The following LRRC53 variants were observed in gnomAD, a reference collection of about 807,000 sequenced individuals.
LRRC53 encodes leucine-rich repeat-containing protein 53.
Under a neutral mutation model 13.6 loss-of-function variants are expected in LRRC53, and 25 were observed. The observed-to-expected ratio is 1.83, with a 90% CI of 1.34 to 2.56. LRRC53 has a LOEUF of 2.56. Among genes scored for constraint, LRRC53 ranks in the 30% most tolerant of loss-of-function variants. The pLI, the probability that LRRC53 is intolerant of heterozygous loss-of-function variation, is 0.00. For missense variants in LRRC53, 527 were observed against 275.8 expected (o/e 1.91, Z -6.45); for synonymous variants, 204 against 109.8 (o/e 1.86, Z -5.37).
the LRRC53 span, among the ~76,000 whole-genome samples, chr1:74,524,764 A>G: frequency 2.6e-5 from 4 of 151,886 alleles, no homozygotes; most frequent in Non-Finnish European, 5.9e-5. Flanking sequence ...AGTAAAAAAA[A>G]AAAATGAAAA....
At chr1:74,481,219 T>C (rs1326227958) in intron 2 of LRRC53, among the ~76,000 whole-genome samples, 1 of 152,250 alleles carries the variant, frequency 6.6e-6, no homozygotes, top group Non-Finnish European at 1.5e-5. Context: ...ACCCATCTGT[T>C]ACTTTAGATG....
rs574056967 is a variant in LRRC53 at position 74,494,576 on chromosome 1, G to T, written c.-26-11201C>A. 5.9e-5 allele frequency among the ~76,000 whole-genome samples: 9 copies of T among 152,120 alleles called. No individual in the cohort carries two copies. The East Asian group carries it at 9.7e-4, about 16-fold the overall frequency. ...TATCTTCTGTTCTTATTCTCTACTTGTGTCTTTTAAAGCTATTTCTCTGAA... is the reference window on the plus strand; with the variant it reads ...TATCTTCTGTTCTTATTCTCTACTTTTGTCTTTTAAAGCTATTTCTCTGAA... On this transcript the variant is annotated intron_variant, in intron 1 of 4. Transcript: ENST00000294635.
chr1:74,470,320 G>A lies in LRRC53; in HGVS notation c.3302C>T (p.Ser1101Leu). 2.5e-6 allele frequency: 1 copy of A among 400,640 alleles called. No homozygotes were observed. Among genetic ancestry groups the A allele is most frequent in the Non-Finnish European group, 4.4e-6 (1 of 226,176 alleles). The allele number at this position is 400,640 out of a possible 1,614,324, so 24.8% of individuals were successfully genotyped here. The change falls in exon 5 of 5, where the codon TCA becomes TTA. Residue 1101 changes from serine (S) to leucine (L), a missense_variant. Physicochemically the swap from Ser to Leu is moderately radical, Grantham distance 145. Transcript: ENST00000294635. The part of the protein sequence containing the change: ...KTDSSMLTQI[S>L]QMTLKGITKE... Reference sequence around the variant, plus strand: ...TGTGATGCCTTTTAAGGTCATTTGTGAGATCTGAGTTAACATACTAGAATC... The same window carrying A: ...TGTGATGCCTTTTAAGGTCATTTGTAAGATCTGAGTTAACATACTAGAATC...
At chr1:74,497,783 A>T (rs1436175371) in intron 1 of LRRC53, among the ~76,000 whole-genome samples, 1 of 152,176 alleles carries the variant, frequency 6.6e-6, no homozygotes, top group Middle Eastern at 3.2e-3. Context: ...AATTCTAATT[A>T]TATTATTTGC....
chr1:74,484,389 A>C (rs1668650071), intron 1 of LRRC53, among the ~76,000 whole-genome samples: 1 of 152,232 alleles, frequency 6.6e-6, no homozygotes, highest in South Asian at 2.1e-4. Context: ...CTGGGCATAG[A>C]GCAGGGGCTG....
intron 1 of LRRC53, among the ~76,000 whole-genome samples, chr1:74,501,036 G>A (rs958886617): frequency 2.6e-5 from 4 of 152,032 alleles, no homozygotes; most frequent in Admixed American, 2.0e-4. Flanking sequence ...ATCCTCAGCT[G>A]TTGTCTCTTC....
chr1:74,529,184 A>G, the LRRC53 span, among the ~76,000 whole-genome samples: 12 of 152,204 alleles, frequency 7.9e-5, no homozygotes, highest in African/African-American at 2.4e-4. Context: ...TTACAAAGAG[A>G]AAAAGAGTAA....
At chr1:74,516,835 A>G (rs1646355153), upstream of LRRC53, among the ~76,000 whole-genome samples, 1 of 152,186 alleles carries the variant, frequency 6.6e-6, no homozygotes, top group African/African-American at 2.4e-5. Flanking sequence ...GGGATTTTTC[A>G]GTGTTGGAAT....
Position 74,470,463 on chromosome 1 carries a change from A to G in LRRC53, c.3159T>C (p.Asn1053=), listed in dbSNP as rs191771413. 7.0e-5 allele frequency: 28 copies of G among 400,614 alleles called. No individual in the cohort carries two copies. The highest frequency in any genetic ancestry group is 3.7e-4 in the African/African-American group (18 of 48,782). 24.8% of individuals were successfully genotyped at this position (400,614 alleles called of 1,614,324 possible). A position where few individuals can be genotyped will look rare whatever the true frequency, so the allele number is the denominator to read the frequency against. The change falls in exon 5 of 5, where the codon AAT becomes AAC. Residue 1053 remains asparagine (N), a synonymous_variant. Coordinates refer to ENST00000294635, the MANE Select transcript of LRRC53 (RefSeq NM_001382280.1). ...TGCTGTCAATTCCTTTTTCGCTACTATTGGTTAGGTGCCAAACGGCTTGAC... is the reference window on the plus strand; with the variant it reads ...TGCTGTCAATTCCTTTTTCGCTACTGTTGGTTAGGTGCCAAACGGCTTGAC... The part of the protein sequence containing the change: ...VSSQAVWHLT[N]SSEKGIDSTN...
At position 74,475,590 on chromosome 1, in the gene LRRC53, T is replaced by G. The variant is rs1668162366; in HGVS notation, c.1125A>C (p.Glu375Asp). The stretch of plus-strand genomic sequence containing the variant: ...GGCTATTTTCCTGTAAAAGTGGCAT[T>G]TCTTTTCTGGACCCCACAGTGGACA... ...KVMSTVGSRK[E>D]MPLLQENSHQ... Residue 375 changes from glutamate (E) to aspartate (D), a missense_variant, in exon 4 of 5, where the codon GAA (glutamate) becomes GAC (aspartate). Physicochemically the swap from Glu to Asp is conservative, Grantham distance 45. Transcript: ENST00000294635. 2.8e-6 allele frequency: 2 copies of G among 717,266 alleles called. No individual in the cohort carries two copies. Among genetic ancestry groups the G allele is most frequent in the South Asian group, 1.5e-5 (1 of 67,582 alleles). 44.4% of individuals were successfully genotyped at this position (717,266 alleles called of 1,614,324 possible).
intron 1 of LRRC53, among the ~76,000 whole-genome samples, chr1:74,490,378 C>T (rs1458778846): frequency 6.6e-6 from 1 of 152,196 alleles, no homozygotes; most frequent in Non-Finnish European, 1.5e-5. Flanking sequence ...TTAAAATATC[C>T]TCTCATTTTG....
At position 74,469,823 on chromosome 1, in the gene LRRC53, C is replaced by T; in HGVS notation, c.*55G>A. ...ATGCAAAGGCTAGTGGGTGTTTGTC[C>T]TCTTGAAGAAAGCTAAAGTAGAAAA... On this transcript the variant is annotated 3_prime_UTR_variant, in exon 5 of 5. Coordinates refer to ENST00000294635, the MANE Select transcript of LRRC53 (RefSeq NM_001382280.1). 2.5e-6 allele frequency: 1 copy of T among 399,774 alleles called. No homozygotes were observed. The highest frequency in any genetic ancestry group is 4.4e-6 in the Non-Finnish European group (1 of 225,702). 24.8% of individuals were successfully genotyped at this position (399,774 alleles called of 1,614,324 possible). A position where few individuals can be genotyped will look rare whatever the true frequency, so the allele number is the denominator to read the frequency against.
chr1:74,470,001 C>G lies in LRRC53; in HGVS notation c.3621G>C (p.Glu1207Asp). The G allele has an allele frequency of 2.5e-6, 1 of 400,704 alleles. No homozygotes were observed. The highest frequency in any genetic ancestry group is 3.6e-5 in the East Asian group (1 of 28,068). The allele number at this position is 400,704 out of a possible 1,614,324, so 24.8% of individuals were successfully genotyped here. A position where few individuals can be genotyped will look rare whatever the true frequency, so the allele number is the denominator to read the frequency against. Residue 1207 changes from glutamate (E) to aspartate (D), a missense_variant, in exon 5 of 5, where the codon GAG becomes GAC. Coordinates refer to ENST00000294635, the MANE Select transcript of LRRC53 (RefSeq NM_001382280.1). ...GAACTAAAAACACCTCATTTTCTGC[C>G]TCAAAACTGTCTTTTAACCCTGGTA... ...SFLPGLKDSF[E>D]AENEVFLVPS...
the LRRC53 span, among the ~76,000 whole-genome samples, chr1:74,521,999 T>A: frequency 6.6e-6 from 1 of 152,228 alleles, no homozygotes; most frequent in Admixed American, 6.5e-5. Flanking sequence ...GTAAAAAAAA[T>A]TCAGATGAGG....
At chr1:74,523,572 C>T in the LRRC53 span, among the ~76,000 whole-genome samples, 3 of 152,082 alleles carry the variant, frequency 2.0e-5, no homozygotes, top group Admixed American at 6.6e-5. Flanking sequence ...ATAGTAATTT[C>T]GGTGAATATT....
chr1:74,485,832 A>T (rs1387263509), intron 1 of LRRC53, among the ~76,000 whole-genome samples: 1 of 152,168 alleles, frequency 6.6e-6, no homozygotes, highest in East Asian at 1.9e-4. Flanking sequence ...TGGGCAACAG[A>T]TGGCAAGAAA....
At chr1:74,474,345 C>G (rs1668078455) in intron 4 of LRRC53, among the ~76,000 whole-genome samples, 1 of 152,172 alleles carries the variant, frequency 6.6e-6, no homozygotes, top group South Asian at 2.1e-4. Context: ...TGTGTGAAAT[C>G]ATCAACCCCC....
intron 4 of LRRC53, among the ~76,000 whole-genome samples, chr1:74,473,137 T>C (rs1668018831): frequency 6.6e-6 from 1 of 152,148 alleles, no homozygotes; most frequent in Non-Finnish European, 1.5e-5. Flanking sequence ...ATTGAGCACA[T>C]GCTAAGAGCT....
chr1:74,480,030 A>T (rs1668400975), intron 3 of LRRC53, 123 bp downstream of exon 3: 1 of 608,956 alleles, frequency 1.6e-6, no homozygotes, highest in Non-Finnish European at 2.9e-6. Flanking sequence ...TCCCACATCT[A>T]CTGGCAACCT....
Sources: gnomAD v4.1 joint callset for allele counts (sites outside exome capture counted in the v4.1 genomes callset) on GRCh38, gnomAD v4.1.1 for gene constraint, MANE v1.5 for transcripts, NCBI Gene and HGNC (gene_info 2026-07-23, HGNC 2026-07-21) for gene names.